CDKAL1: variants seen among roughly 807,000 people sequenced by gnomAD.
CDKAL1 encodes the protein threonylcarbamoyladenosine tRNA methylthiotransferase.
CDKAL1 carries 32 observed loss-of-function variants against 68.2 expected under a neutral mutation model. That is an observed-to-expected ratio of 0.47 (90% CI 0.35 to 0.63). The LOEUF (loss-of-function observed/expected upper bound fraction) is 0.63, where lower values mean the gene tolerates loss of function less well. Among genes scored for constraint, CDKAL1 ranks in the 30% least tolerant of loss-of-function variants. The probability of loss-of-function intolerance (pLI) is 0.00; values close to 1 mark genes in which losing one functional copy is unlikely to be tolerated. For synonymous variants in CDKAL1, 234 were observed against 244.3 expected (o/e 0.96, Z 0.39); for missense variants, 606 against 696.7 (o/e 0.87, Z 1.47).
intron 7 of CDKAL1, among the ~76,000 whole-genome samples, chr6:20,770,152 A>G (rs950773717): frequency 5.3e-5 from 8 of 152,042 alleles, no homozygotes; most frequent in African/African-American, 1.9e-4. Context: ...GTAAGGAGTT[A>G]ATAAAGATAC....
chr6:21,222,177 A>G (rs2151125385), intron 15 of CDKAL1, among the ~76,000 whole-genome samples: 1 of 152,340 alleles, frequency 6.6e-6, no homozygotes, highest in Non-Finnish European at 1.5e-5. Context: ...CACCCGTGAT[A>G]TTAAGATTAG....
chr6:20,928,402 GT>G (rs1391392519), intron 9 of CDKAL1, among the ~76,000 whole-genome samples: 2 of 152,178 alleles, frequency 1.3e-5, no homozygotes, highest in Non-Finnish European at 2.9e-5. Flanking sequence ...TAGCCCAGGA[GT>G]TTTTCACAGA....
chr6:20,547,133 T>C (rs977112792), intron 3 of CDKAL1, among the ~76,000 whole-genome samples: 9 of 152,210 alleles, frequency 5.9e-5, no homozygotes, highest in Admixed American at 3.9e-4. Flanking sequence ...ACTCAAAAAG[T>C]TTCAGATTTT....
intron 10 of CDKAL1, among the ~76,000 whole-genome samples, chr6:20,974,978 CAA>C (rs11330322): frequency 5.5e-3 from 344 of 62,922 alleles, no homozygotes; most frequent in South Asian, 0.018. Flanking sequence ...GACCCTATCT[CAA>C]AAAAAAAAAA....
intron 8 of CDKAL1, among the ~76,000 whole-genome samples, chr6:20,807,017 A>G (rs1270740507): frequency 6.6e-6 from 1 of 152,172 alleles, no homozygotes; most frequent in African/African-American, 2.4e-5. Context: ...AAGTATTTGT[A>G]TCTGTCATGT....
chr6:20,940,951 G>A (rs538881293), intron 9 of CDKAL1, among the ~76,000 whole-genome samples: 8 of 152,032 alleles, frequency 5.3e-5, no homozygotes, highest in Non-Finnish European at 7.4e-5. Flanking sequence ...TTAGCCAGGC[G>A]TGGTGGTGGG....
chr6:20,732,633 A>G (rs1773008791), intron 5 of CDKAL1, among the ~76,000 whole-genome samples: 1 of 151,994 alleles, frequency 6.6e-6, no homozygotes, highest in South Asian at 2.1e-4. Flanking sequence ...CGTTGTCTGC[A>G]CTTGGTTCAC....
intron 8 of CDKAL1, among the ~76,000 whole-genome samples, chr6:20,837,955 G>A (rs1309394083): frequency 2.0e-5 from 3 of 148,566 alleles, no homozygotes; most frequent in African/African-American, 7.5e-5. Flanking sequence ...GTGTGTGTGT[G>A]TGTGTGTGTG....
At chr6:21,052,080 T>G (rs1770570552) in intron 11 of CDKAL1, among the ~76,000 whole-genome samples, 1 of 152,246 alleles carries the variant, frequency 6.6e-6, no homozygotes, top group Non-Finnish European at 1.5e-5. Flanking sequence ...GTTTTTTCTG[T>G]TTTTAGAGCA....
chr6:20,799,129 T>C (rs1376172374), intron 8 of CDKAL1, among the ~76,000 whole-genome samples: 3 of 138,526 alleles, frequency 2.2e-5, no homozygotes, highest in Non-Finnish European at 4.6e-5. Flanking sequence ...CTTGGCTCAC[T>C]GCAACCTCTG....
At chr6:20,813,340 A>T (rs1776903251) in intron 8 of CDKAL1, among the ~76,000 whole-genome samples, 1 of 152,096 alleles carries the variant, frequency 6.6e-6, no homozygotes, top group Non-Finnish European at 1.5e-5. Context: ...GATTTCTTTT[A>T]TATGCTAGAT....
chr6:20,896,108 T>C (rs1210637482), intron 9 of CDKAL1, among the ~76,000 whole-genome samples: 18 of 103,646 alleles, frequency 1.7e-4, no homozygotes, highest in Admixed American at 9.0e-4. Context: ...CTTTTCTTTT[T>C]TTTTTTTTTT....
Position 20,903,486 on chromosome 6 carries a change from A to G in CDKAL1, c.743-51933A>G, listed in dbSNP as rs566917459. On this transcript the variant is annotated intron_variant, in intron 9 of 15. Transcript: ENST00000274695. ...TCCCTTTTTTAGCTTTGCTGCTTTCACAGTGCTCCTTATATATTTACCGAA... is the reference window on the plus strand; with the variant it reads ...TCCCTTTTTTAGCTTTGCTGCTTTCGCAGTGCTCCTTATATATTTACCGAA... Among the ~76,000 whole-genome samples, 3 of 152,238 alleles carry G rather than the reference A, an allele frequency of 2.0e-5. No homozygotes were observed. In the South Asian group the frequency reaches 6.2e-4, roughly 32 times the overall value.
chr6:20,540,529 C>A (rs1388560627), intron 2 of CDKAL1, among the ~76,000 whole-genome samples: 1 of 151,554 alleles, frequency 6.6e-6, no homozygotes, highest in Non-Finnish European at 1.5e-5. Context: ...AATCTCAGCT[C>A]ACTGCAACCT....
chr6:20,610,153 C>A (rs1348565102), intron 4 of CDKAL1, among the ~76,000 whole-genome samples: 1 of 152,112 alleles, frequency 6.6e-6, no homozygotes, highest in Non-Finnish European at 1.5e-5. Context: ...TGTGTATATA[C>A]CACATTTTCT....
chr6:20,908,477 A>G (rs567515554), intron 9 of CDKAL1, among the ~76,000 whole-genome samples: 1 of 152,372 alleles, frequency 6.6e-6, no homozygotes, highest in South Asian at 2.1e-4. Flanking sequence ...TTGGCAAATG[A>G]AAAGGTACAC....
intron 11 of CDKAL1, among the ~76,000 whole-genome samples, chr6:21,023,940 A>G (rs1456093618): frequency 1.3e-5 from 2 of 152,198 alleles, no homozygotes; most frequent in African/African-American, 4.8e-5. Flanking sequence ...GGTTTACATA[A>G]TGTCATCAAA....
At chr6:20,562,409 T>TA (rs1443064648) in intron 4 of CDKAL1, among the ~76,000 whole-genome samples, 1 of 151,966 alleles carries the variant, frequency 6.6e-6, no homozygotes, top group Non-Finnish European at 1.5e-5. Context: ...CCAGCCCTAC[T>TA]AAAGATGAAA....
intron 4 of CDKAL1, among the ~76,000 whole-genome samples, chr6:20,598,378 T>G (rs1765932214): frequency 6.6e-6 from 1 of 152,224 alleles, no homozygotes; most frequent in South Asian, 2.1e-4. Flanking sequence ...AAACCTTAGC[T>G]TACTGAGCTT....
Sources: allele counts gnomAD v4.1 joint callset (sites outside exome capture counted in the v4.1 genomes callset), GRCh38; gene constraint gnomAD v4.1.1; transcripts MANE v1.5; gene names NCBI Gene and HGNC (gene_info 2026-07-23, HGNC 2026-07-21).